P3H2: variants seen among roughly 807,000 people sequenced by gnomAD.
P3H2 encodes prolyl 3-hydroxylase 2, also known as leprecan-like 1.
In P3H2, 80 loss-of-function variants were observed where a neutral mutation model predicts 87.0. The ratio of observed to expected loss-of-function variants is 0.92; its 90% CI spans 0.77 to 1.11. The LOEUF (loss-of-function observed/expected upper bound fraction) is 1.11, where lower values mean the gene tolerates loss of function less well. Among genes scored for constraint, P3H2 ranks in the 50% least tolerant of loss-of-function variants. P3H2 has a pLI of 0.00. For synonymous variants in P3H2, 367 were observed against 359.3 expected, an observed-to-expected ratio of 1.02 and a Z score of -0.24; for missense variants, 1,001 against 923.9, an observed-to-expected ratio of 1.08 and a Z score of -1.08.
At chr3:190,045,241 G>A (rs1407853755) in intron 1 of P3H2, among the ~76,000 whole-genome samples, 1 of 152,208 alleles carries the variant, frequency 6.6e-6, no homozygotes, top group Non-Finnish European at 1.5e-5. Context: ...AGCCATTGTA[G>A]GCCAATGTGA....
chr3:190,092,505 G>A (rs1057415292), intron 1 of P3H2, among the ~76,000 whole-genome samples: 1 of 152,190 alleles, frequency 6.6e-6, no homozygotes, highest in Non-Finnish European at 1.5e-5. Context: ...GCTACATCTT[G>A]CTTACATGGC....
chr3:190,032,205 G>A (rs1006498748), intron 1 of P3H2, among the ~76,000 whole-genome samples: 1 of 152,024 alleles, frequency 6.6e-6, no homozygotes, highest in African/African-American at 2.4e-5. Context: ...AATGTTTATG[G>A]TAGCAGTGCC....
At chr3:190,024,468 G>T (rs1725026279) in intron 1 of P3H2, among the ~76,000 whole-genome samples, 1 of 146,814 alleles carries the variant, frequency 6.8e-6, no homozygotes, top group Non-Finnish European at 1.5e-5. Context: ...ACTTGAACTG[G>T]GGAGGCAGAG....
chr3:190,042,054 T>G (rs1725654881), intron 1 of P3H2, among the ~76,000 whole-genome samples: 1 of 152,222 alleles, frequency 6.6e-6, no homozygotes, highest in African/African-American at 2.4e-5. Flanking sequence ...TGGTAATTAG[T>G]GGCTTTAAAC....
At chr3:190,058,837 A>C (rs1289436393) in intron 1 of P3H2, among the ~76,000 whole-genome samples, 1 of 152,202 alleles carries the variant, frequency 6.6e-6, no homozygotes, top group African/African-American at 2.4e-5. Flanking sequence ...AAGGAAACTC[A>C]CTAAACAAAA....
At chr3:190,050,853 C>T (rs1417253563) in intron 1 of P3H2, among the ~76,000 whole-genome samples, 1 of 152,130 alleles carries the variant, frequency 6.6e-6, no homozygotes, top group Admixed American at 6.5e-5. Flanking sequence ...ATACTAGTGA[C>T]CTCCTTCCAG....
At chr3:189,963,120 C>T (rs1467759761) in intron 14 of P3H2, among the ~76,000 whole-genome samples, 1 of 152,182 alleles carries the variant, frequency 6.6e-6, no homozygotes, top group East Asian at 1.9e-4. Flanking sequence ...CAAATTTTCC[C>T]TCCAGGGCTT....
At chr3:190,077,807 T>A (rs1726918469) in intron 1 of P3H2, among the ~76,000 whole-genome samples, 1 of 152,216 alleles carries the variant, frequency 6.6e-6, no homozygotes, top group Non-Finnish European at 1.5e-5. Context: ...AAAAAGTCAC[T>A]ACTCACTTAA....
chr3:190,067,705 T>G (rs1221345823), intron 1 of P3H2, among the ~76,000 whole-genome samples: 1 of 152,188 alleles, frequency 6.6e-6, no homozygotes, highest in Non-Finnish European at 1.5e-5. Context: ...TCCTCTTAAG[T>G]GTTCGTTAAA....
Position 190,097,789 on chromosome 3 carries a change from A to AT in P3H2, c.480+22462dup, listed in dbSNP as rs538825285. Among the ~76,000 whole-genome samples the AT allele has an allele frequency of 2.5e-3, 374 of 152,272 alleles. 2 individuals carry two copies. Among genetic ancestry groups the AT allele is most frequent in the African/African-American group, 8.7e-3 (361 of 41,556 alleles). The stretch of plus-strand genomic sequence containing the variant: ...AGTGTTGTTTTAAGCAGCAGCTTTC[A>AT]TCCCCACGCCCCACCCCCGCAGGAT... On this transcript the variant is annotated intron_variant, in intron 1 of 14. Coordinates refer to ENST00000319332, the MANE Select transcript of P3H2 (RefSeq NM_018192.4).
intron 1 of P3H2, among the ~76,000 whole-genome samples, chr3:190,006,830 G>A (rs115839093): frequency 3.9e-4 from 59 of 152,256 alleles, no homozygotes; most frequent in African/African-American, 1.3e-3. Context: ...TTTGGATAAC[G>A]TGGCTCATGT....
chr3:190,035,610 T>C (rs1462780115), intron 1 of P3H2, among the ~76,000 whole-genome samples: 1 of 152,182 alleles, frequency 6.6e-6, no homozygotes, highest in African/African-American at 2.4e-5. Flanking sequence ...CCATTAATAA[T>C]CTTATGCGTT....
At chr3:190,022,660 G>T (rs1724959259) in intron 1 of P3H2, among the ~76,000 whole-genome samples, 1 of 80,370 alleles carries the variant, frequency 1.2e-5, no homozygotes, top group Non-Finnish European at 3.0e-5. Flanking sequence ...GCCTTCAGAG[G>T]CGAGGCAGAT....
chr3:190,060,039 C>T (rs542434081), intron 1 of P3H2, among the ~76,000 whole-genome samples: 1 of 152,258 alleles, frequency 6.6e-6, no homozygotes, highest in Admixed American at 6.5e-5. Flanking sequence ...TTATCTAAGA[C>T]ACTTAATGTA....
chr3:190,082,882 G>C (rs910598147), intron 1 of P3H2, among the ~76,000 whole-genome samples: 4 of 152,100 alleles, frequency 2.6e-5, no homozygotes, highest in African/African-American at 9.7e-5. Flanking sequence ...AAAAGAAAAT[G>C]AAGAATCACT....
At chr3:190,107,462 A>G (rs531355782) in intron 1 of P3H2, among the ~76,000 whole-genome samples, 25 of 152,172 alleles carry the variant, frequency 1.6e-4, no homozygotes, top group Admixed American at 3.3e-4. Context: ...TATGTATCCT[A>G]TCCCTCATAA....
chr3:189,973,232 T>C, intron 10 of P3H2: 1 of 566,874 alleles, frequency 1.8e-6, no homozygotes, highest in Non-Finnish European at 3.1e-6. Flanking sequence ...TAAAAGCTAC[T>C]TGGTTCCTCT....
chr3:190,083,519 T>C (rs1727118617), intron 1 of P3H2, among the ~76,000 whole-genome samples: 1 of 152,174 alleles, frequency 6.6e-6, no homozygotes, highest in Non-Finnish European at 1.5e-5. Flanking sequence ...ATCTTTTAAC[T>C]GGGGAGAAAT....
intron 1 of P3H2, among the ~76,000 whole-genome samples, chr3:190,029,813 C>T (rs1027187992): frequency 2.0e-5 from 3 of 151,842 alleles, no homozygotes; most frequent in Admixed American, 2.0e-4. Flanking sequence ...CCAGCCTGGC[C>T]AACATGATGA....
Sources: allele counts gnomAD v4.1 joint callset (sites outside exome capture counted in the v4.1 genomes callset), GRCh38; gene constraint gnomAD v4.1.1; transcripts MANE v1.5; gene names NCBI Gene and HGNC (gene_info 2026-07-23, HGNC 2026-07-21).